FER: variants seen among roughly 807,000 people sequenced by gnomAD.
The protein encoded by FER is tyrosine-protein kinase Fer.
In FER, 63 loss-of-function variants were observed where a neutral mutation model predicts 111.0. The ratio of observed to expected loss-of-function variants is 0.57; its 90% CI spans 0.46 to 0.70. FER has a LOEUF of 0.70. FER is among the 30% of genes least tolerant of loss of function. The pLI is 0.00. For synonymous variants in FER, 327 were observed against 313.9 expected, an observed-to-expected ratio of 1.04 and a Z score of -0.44; for missense variants, 914 against 954.0, an observed-to-expected ratio of 0.96 and a Z score of 0.55.
chr5:109,002,344 A>G (rs937781475), intron 13 of FER, among the ~76,000 whole-genome samples: 1 of 151,662 alleles, frequency 6.6e-6, no homozygotes, highest in Admixed American at 6.6e-5. Context: ...CTGATCTTTG[A>G]CAAACCTGAG....
chr5:109,005,813 A>G (rs878975706), intron 13 of FER, among the ~76,000 whole-genome samples: 1 of 152,352 alleles, frequency 6.6e-6, no homozygotes, highest in Admixed American at 6.5e-5. Flanking sequence ...ACTCTTGTAC[A>G]GTGCTTCACA....
chr5:109,083,582 T>A (rs956583868), intron 16 of FER, among the ~76,000 whole-genome samples: 4 of 152,066 alleles, frequency 2.6e-5, no homozygotes, highest in Admixed American at 1.3e-4. Context: ...AGTATAAAAA[T>A]ATCTAGTAAA....
intron 16 of FER, among the ~76,000 whole-genome samples, chr5:109,075,402 T>A (rs912495655): frequency 6.6e-5 from 10 of 151,684 alleles, no homozygotes; most frequent in South Asian, 4.2e-4. Context: ...TGGCTAAAAA[T>A]ATCTTTGGAA....
rs530034638 is a variant in FER at position 109,015,943 on chromosome 5, C to T, written c.1657-21479C>T. Among the ~76,000 whole-genome samples, 20 of 152,104 alleles carry T rather than the reference C, an allele frequency of 1.3e-4. No homozygotes were observed. In the South Asian group the frequency reaches 3.1e-3, roughly 24 times the overall value. The stretch of plus-strand genomic sequence containing the variant: ...ACATTGCATCTCAGATTTACCTTCT[C>T]TGGCTTTGGATGCTCCTGAATGGGG... On this transcript the variant is annotated intron_variant, in intron 13 of 19. Transcript: ENST00000281092.
At chr5:108,861,909 A>C (rs973663081) in intron 5 of FER, among the ~76,000 whole-genome samples, 13 of 152,178 alleles carry the variant, frequency 8.5e-5, no homozygotes, top group African/African-American at 2.9e-4. Context: ...GTAACATAGA[A>C]TCCCTTTCCA....
At chr5:108,975,553 A>T (rs1761225654) in intron 13 of FER, among the ~76,000 whole-genome samples, 2 of 152,170 alleles carry the variant, frequency 1.3e-5, no homozygotes, top group Admixed American at 6.5e-5. Flanking sequence ...AAAGGGTTTG[A>T]TCTTTGGGGG....
chr5:109,038,973 C>G (rs1009955745), intron 14 of FER, among the ~76,000 whole-genome samples: 7 of 151,958 alleles, frequency 4.6e-5, no homozygotes, highest in Non-Finnish European at 7.4e-5. Flanking sequence ...ATATGTCAGT[C>G]TTAATGAATT....
At chr5:108,905,968 T>C (rs1179401100) in intron 10 of FER, among the ~76,000 whole-genome samples, 1 of 152,130 alleles carries the variant, frequency 6.6e-6, no homozygotes, top group Non-Finnish European at 1.5e-5. Flanking sequence ...TAATGAGTGG[T>C]TGTGATAGAA....
Position 109,193,071 on chromosome 5 carries a change from C to T in FER, c.*5496C>T, listed in dbSNP as rs1759490646. The T allele has an allele frequency of 6.6e-6, 1 of 152,170 alleles. No individual in the cohort carries two copies. Among genetic ancestry groups the T allele is most frequent in the Admixed American group, 6.5e-5 (1 of 15,274 alleles). The allele number at this position is 152,170 out of a possible 1,614,324, so 9.4% of individuals were successfully genotyped here. On this transcript the variant is annotated 3_prime_UTR_variant, in exon 20 of 20. Transcript: ENST00000281092. ...CCCTCACAAAGGGTTTGAGGAGCTT[C>T]CTGCTGTGTGTCCTTAAACAGTGCG...
At chr5:108,993,598 CGAGGGCGAGGGA>C (rs1763577816) in intron 13 of FER, among the ~76,000 whole-genome samples, 1 of 94,268 alleles carries the variant, frequency 1.1e-5, no homozygotes, top group Non-Finnish European at 2.2e-5. Flanking sequence ...AGGGAGAGGG[CGAGGGCGAGGGA>C]GAGGGCAAGG....
At chr5:108,809,684 T>C (rs1757551234) in intron 3 of FER, among the ~76,000 whole-genome samples, 1 of 152,202 alleles carries the variant, frequency 6.6e-6, no homozygotes, top group South Asian at 2.1e-4. Flanking sequence ...TATCTTAGCC[T>C]CCTGAGTAGC....
At position 109,037,405 on chromosome 5, in the gene FER, C is replaced by A. The variant is rs3822684; in HGVS notation, c.1657-17C>A. ...CCCTTGCTTGTACTAAACAACTGTT[C>A]TTATTCTTTGCTGTAGGACAAGAAA... On this transcript the variant is annotated splice_polypyrimidine_tract_variant and intron_variant, in intron 13 of 19. Transcript: ENST00000281092. The A allele has an allele frequency of 0.2, 324,871 of 1,601,778 alleles. 34,775 individuals are homozygous for A. Among genetic ancestry groups the A allele is most frequent in the Non-Finnish European group, 0.22 (253,425 of 1,169,838 alleles).
At chr5:109,083,495 G>A (rs2150025954) in intron 16 of FER, among the ~76,000 whole-genome samples, 1 of 152,096 alleles carries the variant, frequency 6.6e-6, no homozygotes, top group Non-Finnish European at 1.5e-5. Context: ...CCCAAAGATT[G>A]TAATGATAGC....
chr5:109,032,515 G>T (rs1769781413), intron 13 of FER, among the ~76,000 whole-genome samples: 1 of 152,074 alleles, frequency 6.6e-6, no homozygotes, highest in South Asian at 2.1e-4. Context: ...GTCTGCTTCT[G>T]AGAGAACCCA....
intron 5 of FER, among the ~76,000 whole-genome samples, chr5:108,839,834 C>G (rs1259884408): frequency 1.3e-5 from 2 of 152,080 alleles, no homozygotes; most frequent in Non-Finnish European, 2.9e-5. Flanking sequence ...GCCTTCGCCT[C>G]CCAAACTGCT....
At chr5:108,893,922 G>A (rs1246713730) in intron 9 of FER, among the ~76,000 whole-genome samples, 7 of 151,096 alleles carry the variant, frequency 4.6e-5, no homozygotes, top group Non-Finnish European at 8.8e-5. Flanking sequence ...TTTTCACACT[G>A]CTAATAAAGA....
At chr5:109,045,570 A>G (rs1390643033) in intron 15 of FER, among the ~76,000 whole-genome samples, 3 of 152,220 alleles carry the variant, frequency 2.0e-5, no homozygotes, top group Non-Finnish European at 4.4e-5. Context: ...TGAGTGCATT[A>G]TCAAGTAGAA....
At chr5:109,182,777 A>G (rs1467718978) in intron 18 of FER, among the ~76,000 whole-genome samples, 1 of 152,218 alleles carries the variant, frequency 6.6e-6, no homozygotes, top group Non-Finnish European at 1.5e-5. Flanking sequence ...TAAAGTTTCA[A>G]TTCTGGATAT....
chr5:108,765,054 A>T (rs367961748), intron 1 of FER, among the ~76,000 whole-genome samples: 31 of 152,324 alleles, frequency 2.0e-4, no homozygotes, highest in African/African-American at 6.5e-4. Context: ...TTGGCTATGA[A>T]TGTGCGTTAG....
Sources: allele counts gnomAD v4.1 joint callset (sites outside exome capture counted in the v4.1 genomes callset), GRCh38; gene constraint gnomAD v4.1.1; transcripts MANE v1.5; gene names NCBI Gene and HGNC (gene_info 2026-07-23, HGNC 2026-07-21).